Variants in EIF5B observed in about 807,000 individuals in gnomAD.
EIF5B encodes eukaryotic translation initiation factor 5B, also known as eIF-5B.
In EIF5B, 47 loss-of-function variants were observed where a neutral mutation model predicts 147.5. The ratio of observed to expected loss-of-function variants is 0.32; its 90% CI spans 0.25 to 0.41. The LOEUF is 0.41. Ranked by LOEUF, EIF5B falls within the 10% of genes least tolerant of loss-of-function variation. The probability of loss-of-function intolerance (pLI) is 1.00; values close to 1 mark genes in which losing one functional copy is unlikely to be tolerated. For synonymous variants in EIF5B, 455 were observed against 456.2 expected (o/e 1.00, Z 0.03); for missense variants, 1,064 against 1,413.2 (o/e 0.75, Z 3.96).
At position 99,361,222 on chromosome 2, in the gene EIF5B, T is replaced by G. The variant is rs573454140; in HGVS notation, c.321T>G (p.Ser107Arg). 1.3e-6 allele frequency: 2 copies of G among 1,596,772 alleles called. No homozygotes were observed. Among genetic ancestry groups the G allele is most frequent in the Admixed American group, 1.7e-5 (1 of 57,890 alleles). The stretch of plus-strand genomic sequence containing the variant: ...AAGGACAGAAGGGCAAAAAACAGAG[T>G]TTTGATGATAATGATAGCGAAGAAT... ...KKKGQKGKKQSFDDNDSEELE... is the reference protein window; with the variant it reads ...KKKGQKGKKQRFDDNDSEELE... Residue 107 changes from serine to arginine, a missense_variant, in exon 4 of 24, where the codon AGT (serine) becomes AGG (arginine). Physicochemically the swap from Ser to Arg is moderately radical, Grantham distance 110 (BLOSUM62 -1). This residue lies in a region of EIF5B where 458 missense variants were observed against 451.3 expected (regional missense o/e 1.01). Transcript: ENST00000289371.
intron 14 of EIF5B, 37 bp from the exon 15 acceptor site, chr2:99,389,681 T>G (rs1674883692): frequency 6.4e-7 from 1 of 1,572,882 alleles, no homozygotes; most frequent in South Asian, 1.2e-5. Context: ...ATGTTCTGAA[T>G]TTTTTAGAGA....
rs1328805139 is a variant in EIF5B at position 99,400,901 on chromosome 2, C to T, written c.*1487C>T. ...TTAGTATAATAAACAGTAGTTGCTTCCTAGAGTTGAGTTTTTAAGGATTCA... is the reference window on the plus strand; with the variant it reads ...TTAGTATAATAAACAGTAGTTGCTTTCTAGAGTTGAGTTTTTAAGGATTCA... On this transcript the variant is annotated 3_prime_UTR_variant, in exon 24 of 24. Transcript: ENST00000289371. The T allele has an allele frequency of 6.1e-6, 1 of 162,932 alleles. No homozygotes were observed. Among genetic ancestry groups the T allele is most frequent in the Admixed American group, 6.2e-5 (1 of 16,148 alleles). The allele number at this position is 162,932 out of a possible 1,614,324, so 10.1% of individuals were successfully genotyped here. A position where few individuals can be genotyped will look rare whatever the true frequency, so the allele number is the denominator to read the frequency against.
In EIF5B at chr2:99,394,284, G is replaced by A; in HGVS notation, c.2898G>A (p.Glu966=). Reference sequence around the variant, plus strand: ...TTTTCAAGGATGAATTGATCCATGAGTTAAAGCAGACACTAAATGCTATCA... The same window carrying A: ...TTTTCAAGGATGAATTGATCCATGAATTAAAGCAGACACTAAATGCTATCA... The part of the protein sequence containing the change: ...IPVLKDELIH[E]LKQTLNAIKL... Residue 966 remains glutamate, a synonymous_variant, in exon 19 of 24, where the codon GAG becomes GAA. Transcript: ENST00000289371. The A allele has an allele frequency of 1.2e-6, 2 of 1,612,362 alleles. No individual in the cohort carries two copies. Among genetic ancestry groups the A allele is most frequent in the Non-Finnish European group, 1.7e-6 (2 of 1,179,584 alleles).
chr2:99,383,011 T>G (rs866793195), intron 14 of EIF5B, 90 bp downstream of exon 14: 50 of 1,342,770 alleles, frequency 3.7e-5, no homozygotes, highest in Non-Finnish European at 4.9e-5. Flanking sequence ...CTTACAAGCA[T>G]AGCTCATTTT....
rs945848026 is a variant in EIF5B, at chr2:99,337,457, G to GGTTC, written c.-97_-96insTTCG. Reference sequence around the variant, plus strand: ...CGGGTGCGAGCGGCGGCAGCACGAGGGGAAAAGAGCTGAGCGGAGACCAAA... The same window carrying GGTTC: ...CGGGTGCGAGCGGCGGCAGCACGAGGGTTCGGAAAAGAGCTGAGCGGAGACCAAA... On this transcript the variant is annotated 5_prime_UTR_variant, in exon 1 of 24. The change abolishes the stop of an existing upstream ORF in the 5' untranslated region. Transcript: ENST00000289371. 3.1e-4 allele frequency: 466 copies of GGTTC among 1,495,614 alleles called. No individual in the cohort carries two copies. Among genetic ancestry groups the GGTTC allele is most frequent in the Admixed American group, 5.4e-4 (28 of 51,416 alleles). 92.6% of individuals were successfully genotyped at this position (1,495,614 alleles called of 1,614,324 possible).
At chr2:99,340,991 T>A (rs2094258302) in intron 1 of EIF5B, among the ~76,000 whole-genome samples, 1 of 152,162 alleles carries the variant, frequency 6.6e-6, no homozygotes, top group Admixed American at 6.5e-5. Flanking sequence ...TTCAAACTCC[T>A]GAACTCAAGT....
In EIF5B at chr2:99,401,156, C is replaced by G. The variant is rs889505116; in HGVS notation, c.*1742C>G. Reference sequence around the variant, plus strand: ...AAGAAATTTAAAATTATAAAAACTCCGAGCATTACTATCATGCACTTTGCA... The same window carrying G: ...AAGAAATTTAAAATTATAAAAACTCGGAGCATTACTATCATGCACTTTGCA... On this transcript the variant is annotated 3_prime_UTR_variant, in exon 24 of 24. Transcript: ENST00000289371. The G allele has an allele frequency of 1.7e-5, 12 of 719,740 alleles. No homozygotes were observed. The South Asian group carries it at 2.8e-4, about 17-fold the overall frequency. The allele number at this position is 719,740 out of a possible 1,614,324, so 44.6% of individuals were successfully genotyped here.
intron 12 of EIF5B, 88 bp downstream of exon 12, chr2:99,379,516 G>A (rs1324239008): frequency 1.2e-5 from 12 of 987,916 alleles, no homozygotes; most frequent in Non-Finnish European, 1.7e-5. Flanking sequence ...CAGAGACTAG[G>A]ATAACAGCTC....
rs781728919 is a variant in EIF5B at position 99,396,793 on chromosome 2, C to T, written c.3288C>T (p.Ile1096=). 1.9e-6 allele frequency: 3 copies of T among 1,609,892 alleles called. No individual in the cohort carries two copies. In the South Asian group the frequency reaches 3.3e-5, roughly 18 times the overall value. Residue 1096 remains isoleucine, a synonymous_variant, in exon 22 of 24, where the codon ATC becomes ATT. Coordinates refer to ENST00000289371, the MANE Select transcript of EIF5B (RefSeq NM_015904.4). ...HIAVFPCKIK[I]LPQYIFNSRD... ...CAGTATTTCCCTGCAAGATAAAAAT[C>T]CTCCCTCAGTACATTTTTAATTCTC... is the stretch of plus-strand genomic sequence containing the variant.
chr2:99,343,594 G>A (rs1216225624), intron 1 of EIF5B, among the ~76,000 whole-genome samples: 1 of 151,828 alleles, frequency 6.6e-6, no homozygotes, highest in East Asian at 2.0e-4. Flanking sequence ...GAGGTGGGTG[G>A]ATCACCTGAG....
At chr2:99,397,707 T>G (rs1283239034) in intron 22 of EIF5B, 1 of 152,202 alleles carries the variant, frequency 6.6e-6, no homozygotes, top group Non-Finnish European at 1.5e-5. Flanking sequence ...CATTAGAAAC[T>G]TGCCCCTTTA....
At chr2:99,351,775 G>T (rs989957080) in intron 1 of EIF5B, among the ~76,000 whole-genome samples, 1 of 152,022 alleles carries the variant, frequency 6.6e-6, no homozygotes, top group Non-Finnish European at 1.5e-5. Context: ...TTGGCTCACT[G>T]CAACCTTTGT....
At position 99,394,832 on chromosome 2, in the gene EIF5B, C is replaced by A; in HGVS notation, c.3203C>A (p.Ala1068Asp). Residue 1068 changes from alanine to aspartate, a missense_variant, in exon 21 of 24, where the codon GCC becomes GAC. By Grantham distance (126) the Ala-to-Asp change is moderately radical. Around this residue, in one of 4 missense-constraint regions of EIF5B, gnomAD observed 380 missense variants for 715.6 expected, o/e 0.53. Coordinates refer to ENST00000289371, the MANE Select transcript of EIF5B (RefSeq NM_015904.4). ...GAAATTATTTATCATTTATTTGATG[C>A]CTTTACAAAATATAGACAAGACTAC... ...SAEIIYHLFD[A>D]FTKYRQDYKK... 2 of 1,609,004 alleles carry A rather than the reference C, an allele frequency of 1.2e-6. No homozygotes were observed. Among genetic ancestry groups the A allele is most frequent in the Non-Finnish European group, 1.7e-6 (2 of 1,176,686 alleles).
At chr2:99,371,359 GC>G (rs1299278852) in intron 8 of EIF5B, among the ~76,000 whole-genome samples, 1 of 151,928 alleles carries the variant, frequency 6.6e-6, no homozygotes, top group African/African-American at 2.4e-5. Context: ...ACGGTGGCGG[GC>G]ATCTGTAGTC....
At chr2:99,384,640 A>G (rs1288490260) in intron 14 of EIF5B, among the ~76,000 whole-genome samples, 1 of 152,254 alleles carries the variant, frequency 6.6e-6, no homozygotes, top group Non-Finnish European at 1.5e-5. Flanking sequence ...AGGACAAAAT[A>G]TAAACATTGA....
At chr2:99,359,364 G>A (rs544422235) in intron 1 of EIF5B, among the ~76,000 whole-genome samples, 421 of 151,222 alleles carry the variant, frequency 2.8e-3, no homozygotes, top group African/African-American at 9.9e-3. Flanking sequence ...GTGAGAGTCC[G>A]TCTCAAAAAA....
intron 21 of EIF5B, among the ~76,000 whole-genome samples, 164 bp from the exon 22 acceptor site, chr2:99,396,596 G>A (rs1172630271): frequency 6.6e-6 from 1 of 152,212 alleles, no homozygotes; most frequent in African/African-American, 2.4e-5. Flanking sequence ...AGCGCTCTGG[G>A]CATGGGGTGG....
chr2:99,367,431 C>CTTT (rs139007055), intron 6 of EIF5B, among the ~76,000 whole-genome samples: 2 of 143,754 alleles, frequency 1.4e-5, no homozygotes, highest in Non-Finnish European at 3.0e-5. Context: ...AGTTGAAACT[C>CTTT]TTTTTTTTTT....
At chr2:99,339,925 TG>T (rs1249458903) in intron 1 of EIF5B, among the ~76,000 whole-genome samples, 1 of 152,174 alleles carries the variant, frequency 6.6e-6, no homozygotes, top group Non-Finnish European at 1.5e-5. Flanking sequence ...TTGTTGTTGT[TG>T]TTGTTGTTTT....
Sources: allele counts gnomAD v4.1 joint callset (sites outside exome capture counted in the v4.1 genomes callset), GRCh38; gene constraint gnomAD v4.1.1; regional missense constraint gnomAD v4.1.1; transcripts MANE v1.5; gene names NCBI Gene and HGNC (gene_info 2026-07-23, HGNC 2026-07-21).